The following GABRB3 variants were observed in gnomAD, a reference collection of about 807,000 sequenced individuals.
The protein encoded by GABRB3 is gamma-aminobutyric acid receptor subunit beta-3.
In GABRB3, 14 loss-of-function variants were observed where a neutral mutation model predicts 52.1. The ratio of observed to expected loss-of-function variants is 0.27; its 90% CI spans 0.18 to 0.42. GABRB3 has a LOEUF of 0.42. GABRB3 is among the 10% of genes least tolerant of loss of function. The pLI is 1.00. For missense variants in GABRB3, 307 were observed against 609.1 expected (o/e 0.50, Z 5.22); for synonymous variants, 260 against 232.3 (o/e 1.12, Z -1.08).
At chr15:26,647,065 G>A (rs1282283093) in intron 3 of GABRB3, among the ~76,000 whole-genome samples, 2 of 152,086 alleles carry the variant, frequency 1.3e-5, no homozygotes, top group African/African-American at 4.8e-5. Flanking sequence ...GGATGGTCTC[G>A]ATCTCTTGAC....
chr15:26,691,428 G>A (rs1595533075), intron 3 of GABRB3, among the ~76,000 whole-genome samples: 1 of 152,310 alleles, frequency 6.6e-6, no homozygotes, highest in Middle Eastern at 3.4e-3. Context: ...ACCCCAGGGA[G>A]CCTCTGGCCC....
At chr15:26,584,285 T>C (rs1354524775) in intron 4 of GABRB3, among the ~76,000 whole-genome samples, 1 of 152,232 alleles carries the variant, frequency 6.6e-6, no homozygotes, top group Admixed American at 6.5e-5. Flanking sequence ...TTCTTGTCTA[T>C]AGGCTCTCTA....
intron 4 of GABRB3, among the ~76,000 whole-genome samples, chr15:26,607,172 G>A (rs1029506921): frequency 2.0e-5 from 3 of 152,124 alleles, no homozygotes; most frequent in African/African-American, 4.8e-5. Flanking sequence ...CACCCCTGGA[G>A]TCTCTGTGAA....
intron 3 of GABRB3, among the ~76,000 whole-genome samples, chr15:26,669,100 G>A (rs1312227804): frequency 6.6e-5 from 10 of 152,186 alleles, no homozygotes; most frequent in East Asian, 1.9e-4. Flanking sequence ...CCCACACTCC[G>A]TCTATCTGTC....
intron 4 of GABRB3, among the ~76,000 whole-genome samples, chr15:26,601,967 C>T (rs940965482): frequency 6.6e-5 from 10 of 152,176 alleles, no homozygotes; most frequent in African/African-American, 2.4e-4. Context: ...CATAGAGTGG[C>T]TGAATGGTTG....
intron 8 of GABRB3, among the ~76,000 whole-genome samples, chr15:26,555,602 T>C (rs1889723180): frequency 6.6e-6 from 1 of 152,220 alleles, no homozygotes; most frequent in Admixed American, 6.5e-5. Flanking sequence ...AAAACTACAG[T>C]GCTCTTGGGG....
At chr15:26,773,320 A>G (rs1275652058), upstream of GABRB3, among the ~76,000 whole-genome samples, 1 of 150,036 alleles carries the variant, frequency 6.7e-6, no homozygotes, top group African/African-American at 2.4e-5. Context: ...GGGACCGCGG[A>G]GTGCGGGGGC....
intron 3 of GABRB3, among the ~76,000 whole-genome samples, chr15:26,639,175 G>C (rs1474694902): frequency 2.6e-5 from 4 of 152,072 alleles, no homozygotes; most frequent in Non-Finnish European, 5.9e-5. Flanking sequence ...AGGACCTGAT[G>C]CTATAATAAT....
At chr15:26,580,634 T>G in intron 5 of GABRB3, 178 bp from the exon 6 acceptor site, 2 of 811,100 alleles carry the variant, frequency 2.5e-6, no homozygotes, top group Non-Finnish European at 4.0e-6. Flanking sequence ...CTCATGTTAC[T>G]GCTGCCATTT....
intron 3 of GABRB3, among the ~76,000 whole-genome samples, chr15:26,659,355 T>A (rs1398315808): frequency 6.6e-6 from 1 of 152,092 alleles, no homozygotes; most frequent in Non-Finnish European, 1.5e-5. Context: ...AAACTCCATC[T>A]CTATTAAAAT....
chr15:26,634,859 C>T (rs1179127786), intron 3 of GABRB3, among the ~76,000 whole-genome samples: 1 of 148,722 alleles, frequency 6.7e-6, no homozygotes, highest in African/African-American at 2.5e-5. Flanking sequence ...TACATACACA[C>T]ATATATACAC....
At chr15:26,609,991 C>T (rs571642006) in intron 4 of GABRB3, among the ~76,000 whole-genome samples, 3 of 152,074 alleles carry the variant, frequency 2.0e-5, no homozygotes, top group African/African-American at 7.2e-5. Flanking sequence ...CTCTGGAAAC[C>T]AACCATCAGG....
At chr15:26,744,550 C>T (rs568728879) in intron 3 of GABRB3, among the ~76,000 whole-genome samples, 1 of 152,134 alleles carries the variant, frequency 6.6e-6, no homozygotes, top group East Asian at 1.9e-4. Flanking sequence ...TTCAGCTTCC[C>T]GAGTACCTGG....
At chr15:26,652,367 A>G (rs1887225070) in intron 3 of GABRB3, among the ~76,000 whole-genome samples, 1 of 152,218 alleles carries the variant, frequency 6.6e-6, no homozygotes, top group Admixed American at 6.5e-5. Flanking sequence ...ACTCGGCACC[A>G]TGGTCACTCC....
intron 3 of GABRB3, among the ~76,000 whole-genome samples, chr15:26,710,180 T>C (rs543212184): frequency 1.3e-5 from 2 of 152,352 alleles, no homozygotes; most frequent in African/African-American, 4.8e-5. Context: ...ATTCAACAGT[T>C]GAACACTGGG....
At chr15:26,551,482 C>T (rs895956556) in intron 8 of GABRB3, among the ~76,000 whole-genome samples, 2 of 152,204 alleles carry the variant, frequency 1.3e-5, no homozygotes, top group South Asian at 2.1e-4. Flanking sequence ...ACAGCAGCAA[C>T]GCTGGGCCTT....
intron 3 of GABRB3, among the ~76,000 whole-genome samples, chr15:26,745,576 T>G (rs1890316137): frequency 6.6e-6 from 1 of 152,166 alleles, no homozygotes. Flanking sequence ...TGGGCTCAGT[T>G]TTTTTCTCAC....
At chr15:26,611,711 C>A (rs1202294852) in intron 4 of GABRB3, 2 of 152,100 alleles carry the variant, frequency 1.3e-5, no homozygotes, top group Admixed American at 6.5e-5. Flanking sequence ...CATGCACATG[C>A]AGAGGAACTA....
chr15:26,574,110 T>A (rs1890509390), intron 6 of GABRB3, among the ~76,000 whole-genome samples: 1 of 152,128 alleles, frequency 6.6e-6, no homozygotes. Context: ...GGGAAGAGGC[T>A]TTGAATAGAT....
Sources: gnomAD v4.1 joint callset for allele counts (sites outside exome capture counted in the v4.1 genomes callset) on GRCh38, gnomAD v4.1.1 for gene constraint, MANE v1.5 for transcripts, NCBI Gene and HGNC (gene_info 2026-07-23, HGNC 2026-07-21) for gene names.